LRIG1: variants seen among roughly 807,000 people sequenced by gnomAD.
LRIG1 encodes the protein leucine-rich repeats and immunoglobulin-like domains protein 1.
A neutral mutation model predicts 99.2 loss-of-function variants in LRIG1; 48 were observed. The ratio of observed to expected loss-of-function variants is 0.48; its 90% CI spans 0.38 to 0.62. The LOEUF (loss-of-function observed/expected upper bound fraction) is 0.62. Among genes scored for constraint, LRIG1 ranks in the 20% least tolerant of loss-of-function variants. The pLI, the probability that LRIG1 is intolerant of heterozygous loss-of-function variation, is 0.00. For missense variants in LRIG1, 1,646 were observed against 1,434.4 expected, an observed-to-expected ratio of 1.15 and a Z score of -2.38; for synonymous variants, 772 against 596.1, an observed-to-expected ratio of 1.29 and a Z score of -4.30.
chr3:66,435,125 CA>C (rs1314896430), intron 3 of LRIG1, among the ~76,000 whole-genome samples: 1 of 152,138 alleles, frequency 6.6e-6, no homozygotes, highest in African/African-American at 2.4e-5. Context: ...AATGGAACGA[CA>C]CATACAATAA....
chr3:66,440,906 A>G (rs1703516086), intron 3 of LRIG1, among the ~76,000 whole-genome samples: 1 of 152,198 alleles, frequency 6.6e-6, no homozygotes, highest in Non-Finnish European at 1.5e-5. Context: ...ATGGATACAG[A>G]GCCTTCTCTT....
intron 1 of LRIG1, among the ~76,000 whole-genome samples, chr3:66,492,954 G>C (rs958222578): frequency 1.1e-4 from 16 of 152,186 alleles, no homozygotes; most frequent in Non-Finnish European, 2.2e-4. Context: ...ATCCTTGCCA[G>C]ATTCCTCAAA....
intron 1 of LRIG1, among the ~76,000 whole-genome samples, chr3:66,495,807 T>A (rs1000623517): frequency 5.3e-5 from 8 of 152,206 alleles, no homozygotes; most frequent in Non-Finnish European, 1.2e-4. Flanking sequence ...TCTCCTGCAT[T>A]CCTGTCCACC....
intron 5 of LRIG1, among the ~76,000 whole-genome samples, chr3:66,413,415 G>A (rs966092082): frequency 6.6e-6 from 1 of 152,204 alleles, no homozygotes; most frequent in African/African-American, 2.4e-5. Flanking sequence ...CTCAGCAACA[G>A]AAATCCACAC....
At chr3:66,466,707 G>A (rs1312955814) in intron 1 of LRIG1, among the ~76,000 whole-genome samples, 1 of 152,152 alleles carries the variant, frequency 6.6e-6, no homozygotes, top group Non-Finnish European at 1.5e-5. Context: ...CACATCTAAA[G>A]CATCTCACTT....
At chr3:66,478,409 C>T (rs1700773100) in intron 1 of LRIG1, among the ~76,000 whole-genome samples, 1 of 152,124 alleles carries the variant, frequency 6.6e-6, no homozygotes, top group Non-Finnish European at 1.5e-5. Flanking sequence ...TGGATACTAT[C>T]AAGAAAGAAA....
At position 66,380,012 on chromosome 3, in the gene LRIG1, G is replaced by C. The variant is rs1429211342; in HGVS notation, c.*251C>G. ...TGCACTAAAGATTAAAATAGCCTCTGTAAAAGATATATATGAAATCTCTGA... is the reference window on the plus strand; with the variant it reads ...TGCACTAAAGATTAAAATAGCCTCTCTAAAAGATATATATGAAATCTCTGA... On this transcript the variant is annotated 3_prime_UTR_variant, in exon 19 of 19. Transcript: ENST00000273261. 3.1e-6 allele frequency: 1 copy of C among 327,338 alleles called. No individual in the cohort carries two copies. Among genetic ancestry groups the C allele is most frequent in the African/African-American group, 2.1e-5 (1 of 47,614 alleles). 20.3% of individuals were successfully genotyped at this position (327,338 alleles called of 1,614,324 possible). A position where few individuals can be genotyped will look rare whatever the true frequency, so the allele number is the denominator to read the frequency against.
At chr3:66,475,711 A>G (rs1387479499) in intron 1 of LRIG1, among the ~76,000 whole-genome samples, 1 of 152,114 alleles carries the variant, frequency 6.6e-6, no homozygotes, top group African/African-American at 2.4e-5. Context: ...AAAACCATCC[A>G]CTCTCAAAGA....
At chr3:66,417,065 G>T (rs552541702) in intron 4 of LRIG1, 64 bp downstream of exon 4, 5 of 1,589,186 alleles carry the variant, frequency 3.1e-6, no homozygotes, top group Middle Eastern at 1.8e-4. Context: ...ACTGGGTGCC[G>T]GTGAAGCTGT....
intron 1 of LRIG1, among the ~76,000 whole-genome samples, chr3:66,485,205 C>A (rs1272815796): frequency 6.6e-6 from 1 of 151,292 alleles, no homozygotes; most frequent in Admixed American, 6.6e-5. Context: ...TTGATAAATT[C>A]CACCTTTCTC....
At chr3:66,404,395 A>T (rs993550923) in intron 9 of LRIG1, 1 of 1,252,866 alleles carries the variant, frequency 8.0e-7, no homozygotes. Context: ...CCGAGCTGCT[A>T]GTAAACAGTA....
intron 11 of LRIG1, among the ~76,000 whole-genome samples, chr3:66,394,420 T>C (rs1451577173): frequency 2.0e-5 from 3 of 152,166 alleles, no homozygotes; most frequent in African/African-American, 7.2e-5. Flanking sequence ...GCTGATTGGG[T>C]GGGTCAGGAG....
chr3:66,413,686 C>T (rs541498659), intron 5 of LRIG1, among the ~76,000 whole-genome samples: 85 of 152,296 alleles, frequency 5.6e-4, no homozygotes, highest in African/African-American at 1.9e-3. Flanking sequence ...GGAGGCAGAG[C>T]AGCCAGAAAG....
intron 1 of LRIG1, 50 bp downstream of exon 1, chr3:66,500,140 C>A: frequency 7.0e-7 from 1 of 1,428,452 alleles, no homozygotes; most frequent in Non-Finnish European, 9.4e-7. Flanking sequence ...GCTCCATCCC[C>A]AAGTGACAGA....
At chr3:66,469,600 C>A (rs73833502) in intron 1 of LRIG1, among the ~76,000 whole-genome samples, 5,819 of 152,264 alleles carry the variant, frequency 0.038, 388 homozygotes, top group African/African-American at 0.13. Flanking sequence ...CACATGTCAT[C>A]CTGGTCTGTA....
intron 1 of LRIG1, among the ~76,000 whole-genome samples, chr3:66,483,971 A>G (rs931665200): frequency 5.9e-5 from 9 of 152,240 alleles, no homozygotes; most frequent in African/African-American, 1.9e-4. Flanking sequence ...ATTCTTGCAT[A>G]TGGGACTTTT....
At chr3:66,407,235 A>T in intron 8 of LRIG1, 113 bp downstream of exon 8, 1 of 1,138,444 alleles carries the variant, frequency 8.8e-7, no homozygotes. Context: ...CCAGCTTTGG[A>T]TCCAATTCTG....
chr3:66,500,448 T>C lies in LRIG1; in HGVS notation c.-41A>G, dbSNP rs1701333483. Reference sequence around the variant, plus strand: ...CTGCGAACTCCGGGCGCGGGGACTGTGAGGACCCGAACGGCCGCAGACGCG... The same window carrying C: ...CTGCGAACTCCGGGCGCGGGGACTGCGAGGACCCGAACGGCCGCAGACGCG... On this transcript the variant is annotated 5_prime_UTR_variant, in exon 1 of 19. Coordinates refer to ENST00000273261, the MANE Select transcript of LRIG1 (RefSeq NM_015541.3). 2 of 1,251,920 alleles carry C rather than the reference T, an allele frequency of 1.6e-6. No homozygotes were observed. The highest frequency in any genetic ancestry group is 4.2e-5 in the Admixed American group (1 of 23,894). 77.6% of individuals were successfully genotyped at this position (1,251,920 alleles called of 1,614,324 possible). A position where few individuals can be genotyped will look rare whatever the true frequency, so the allele number is the denominator to read the frequency against.
chr3:66,468,424 C>T (rs142386917), intron 1 of LRIG1, among the ~76,000 whole-genome samples: 345 of 152,322 alleles, frequency 2.3e-3, no homozygotes, highest in African/African-American at 7.9e-3. Context: ...CCGTGACAAG[C>T]ATTCCCTGAA....
Sources: allele counts gnomAD v4.1 joint callset (sites outside exome capture counted in the v4.1 genomes callset), GRCh38; gene constraint gnomAD v4.1.1; transcripts MANE v1.5; gene names NCBI Gene and HGNC (gene_info 2026-07-23, HGNC 2026-07-21).